KANSL1: variants seen among roughly 807,000 people sequenced by gnomAD.
The protein encoded by KANSL1 is KAT8 regulatory NSL complex subunit 1, also known as MLL1/MLL complex subunit KANSL1.
KANSL1 carries 22 observed loss-of-function variants against 103.6 expected under a neutral mutation model. The observed-to-expected ratio is 0.21, with a 90% confidence interval of 0.15 to 0.30. The LOEUF (loss-of-function observed/expected upper bound fraction) is 0.30. KANSL1 is among the 10% of genes least tolerant of loss of function. KANSL1 has a pLI of 1.00. For missense variants in KANSL1, 1,337 were observed against 1,399.8 expected (o/e 0.96, Z 0.72); for synonymous variants, 600 against 527.6 (o/e 1.14, Z -1.88).
intron 2 of KANSL1, among the ~76,000 whole-genome samples, chr17:46,162,842 C>G (rs2045814753): frequency 6.6e-6 from 1 of 152,234 alleles, no homozygotes; most frequent in Non-Finnish European, 1.5e-5. Context: ...GGTCTCATTT[C>G]TCACTACTTG....
At position 46,030,327 on chromosome 17, in the gene KANSL1, A is replaced by G. The variant is rs929522902; in HGVS notation, c.*1149T>C. 2 of 152,140 alleles carry G rather than the reference A, an allele frequency of 1.3e-5. No homozygotes were observed. The highest frequency in any genetic ancestry group is 2.9e-5 in the Non-Finnish European group (2 of 67,992). The allele number at this position is 152,140 out of a possible 1,614,324, so 9.4% of individuals were successfully genotyped here. A position where few individuals can be genotyped will look rare whatever the true frequency, so the allele number is the denominator to read the frequency against. On this transcript the variant is annotated 3_prime_UTR_variant, in exon 15 of 15. Coordinates refer to ENST00000432791, the MANE Select transcript of KANSL1 (RefSeq NM_015443.4). The stretch of plus-strand genomic sequence containing the variant: ...TGTTGAAAATTGTGAAAAAACCCCA[A>G]CCATTAAGCAGTTGTCTACTATTTT...
chr17:46,208,055 G>A (rs1282931040), intron 1 of KANSL1, among the ~76,000 whole-genome samples: 1 of 151,430 alleles, frequency 6.6e-6, no homozygotes, highest in African/African-American at 2.4e-5. Flanking sequence ...AGGTTACAGT[G>A]AGCCAAGATC....
chr17:46,145,500 C>T (rs1204484025), intron 2 of KANSL1, among the ~76,000 whole-genome samples: 3 of 152,240 alleles, frequency 2.0e-5, no homozygotes, highest in African/African-American at 7.2e-5. Flanking sequence ...CCTGAAAACA[C>T]TGTTGTGCTA....
At chr17:46,051,347 T>C (rs1202064502) in intron 6 of KANSL1, among the ~76,000 whole-genome samples, 1 of 152,186 alleles carries the variant, frequency 6.6e-6, no homozygotes, top group Non-Finnish European at 1.5e-5. Context: ...GTACAGCAAA[T>C]GCTCACTTTC....
chr17:46,037,471 C>G (rs781191783), intron 10 of KANSL1: 2 of 152,248 alleles, frequency 1.3e-5, no homozygotes, highest in Non-Finnish European at 2.9e-5. Context: ...GTTTCCTGAT[C>G]TAGGCTCTGA....
At position 46,066,726 on chromosome 17, in the gene KANSL1, C is replaced by T; in HGVS notation, c.1659G>A (p.Gln553=). 2 of 1,612,818 alleles carry T rather than the reference C, an allele frequency of 1.2e-6. No individual in the cohort carries two copies. The highest frequency in any genetic ancestry group is 1.7e-6 in the Non-Finnish European group (2 of 1,179,122). ...RPVNGVINTL[Q]PVLADHIPGD... is the part of the protein sequence containing the mutation. Reference sequence around the variant, plus strand: ...CTGGAATGTGGTCTGCCAAGACAGGCTGAAGACTATACAAGGGGAAGGAAG... The same window carrying T: ...CTGGAATGTGGTCTGCCAAGACAGGTTGAAGACTATACAAGGGGAAGGAAG... Residue 553 remains glutamine (Q), a synonymous_variant, in exon 6 of 15, where the codon CAG becomes CAA. Transcript: ENST00000432791.
intron 4 of KANSL1, 109 bp from the exon 5 acceptor site, chr17:46,067,776 T>C (rs587720904): frequency 1.5e-6 from 1 of 647,494 alleles, no homozygotes; most frequent in East Asian, 2.7e-5. Flanking sequence ...TGATGATCAA[T>C]TTGAAAAACA....
At chr17:46,207,325 G>C (rs1299250241) in intron 1 of KANSL1, among the ~76,000 whole-genome samples, 5 of 152,024 alleles carry the variant, frequency 3.3e-5, no homozygotes, top group African/African-American at 1.2e-4. Context: ...ACCTGGCCAA[G>C]ATGGTGAAAC....
At chr17:46,223,489 T>C (rs2048593115) in intron 1 of KANSL1, 1 of 147,648 alleles carries the variant, frequency 6.8e-6, no homozygotes, top group Non-Finnish European at 1.5e-5. Context: ...ACACCGATAA[T>C]CAAAGAACAG....
At chr17:46,048,749 T>A (rs2077601852) in intron 7 of KANSL1, among the ~76,000 whole-genome samples, 1 of 152,224 alleles carries the variant, frequency 6.6e-6, no homozygotes, top group South Asian at 2.1e-4. Context: ...TGCACCCCCA[T>A]TTGATATGTG....
chr17:46,105,333 G>A (rs2147053891), intron 2 of KANSL1, among the ~76,000 whole-genome samples: 1 of 152,294 alleles, frequency 6.6e-6, no homozygotes, highest in South Asian at 2.1e-4. Flanking sequence ...GAGATTGCTT[G>A]AGGCCGAGCA....
upstream of KANSL1, among the ~76,000 whole-genome samples, chr17:46,194,447 A>G (rs1699961344): frequency 6.6e-6 from 1 of 152,280 alleles, no homozygotes; most frequent in South Asian, 2.1e-4. Flanking sequence ...TTATCAGTAC[A>G]GAACTTTATA....
At chr17:46,141,654 C>T (rs1022163859) in intron 2 of KANSL1, among the ~76,000 whole-genome samples, 4 of 152,080 alleles carry the variant, frequency 2.6e-5, no homozygotes, top group African/African-American at 9.7e-5. Flanking sequence ...AGTATCCTCA[C>T]AAAAAATACC....
intron 6 of KANSL1, 46 bp downstream of exon 6, chr17:46,066,491 C>G (rs2078380283): frequency 1.3e-6 from 2 of 1,497,832 alleles, no homozygotes; most frequent in Non-Finnish European, 1.8e-6. Flanking sequence ...TCTATCTGAG[C>G]ATCTGGCTCA....
At chr17:46,071,446 C>G (rs879617138) in intron 4 of KANSL1, among the ~76,000 whole-genome samples, 5 of 152,202 alleles carry the variant, frequency 3.3e-5, no homozygotes, top group Non-Finnish European at 5.9e-5. Flanking sequence ...ATCCCAATCA[C>G]AGTGTTCCAT....
intron 1 of KANSL1, among the ~76,000 whole-genome samples, chr17:46,183,556 G>A (rs952359288): frequency 6.0e-5 from 9 of 150,356 alleles, no homozygotes; most frequent in African/African-American, 1.7e-4. Context: ...AGGAAAAGAG[G>A]AGAGGGGAGG....
At chr17:46,068,621 CAAAGTT>C (rs2078466944) in intron 4 of KANSL1, among the ~76,000 whole-genome samples, 3 of 151,980 alleles carry the variant, frequency 2.0e-5, no homozygotes, top group Admixed American at 2.0e-4. Context: ...TGACAGAAAA[CAAAGTT>C]AATAAAATCT....
chr17:46,169,948 C>T (rs2532273), intron 2 of KANSL1, among the ~76,000 whole-genome samples: 21,941 of 152,004 alleles, frequency 0.14, 2,135 homozygotes, highest in Middle Eastern at 0.22. Context: ...CTGGTCGACA[C>T]GGTGAAACTC....
intron 1 of KANSL1, among the ~76,000 whole-genome samples, chr17:46,186,885 G>C (rs1021019884): frequency 1.3e-5 from 2 of 151,514 alleles, no homozygotes; most frequent in Non-Finnish European, 2.9e-5. Flanking sequence ...GCGCCACCAT[G>C]TCCAGCTAAT....
Sources: allele counts gnomAD v4.1 joint callset (sites outside exome capture counted in the v4.1 genomes callset), GRCh38; gene constraint gnomAD v4.1.1; transcripts MANE v1.5; gene names NCBI Gene and HGNC (gene_info 2026-07-23, HGNC 2026-07-21).